SLC47A1: variants seen among roughly 807,000 people sequenced by gnomAD.
The protein encoded by SLC47A1 is multidrug and toxin extrusion protein 1.
Under a neutral mutation model 65.8 loss-of-function variants are expected in SLC47A1, and 58 were observed. The ratio of observed to expected loss-of-function variants is 0.88; its 90% CI spans 0.71 to 1.10. SLC47A1 has a LOEUF of 1.10. SLC47A1 is among the 50% of genes least tolerant of loss of function. The pLI, the probability that SLC47A1 is intolerant of heterozygous loss-of-function variation, is 0.00. For synonymous variants in SLC47A1, 285 were observed against 295.0 expected, an observed-to-expected ratio of 0.97 and a Z score of 0.35; for missense variants, 706 against 719.2, an observed-to-expected ratio of 0.98 and a Z score of 0.21.
intron 1 of SLC47A1, among the ~76,000 whole-genome samples, chr17:19,540,174 A>G (rs912447935): frequency 1.3e-5 from 2 of 152,154 alleles, no homozygotes; most frequent in African/African-American, 4.8e-5. Flanking sequence ...CCCAAGTGAG[A>G]AAGATGTTCA....
At position 19,546,565 on chromosome 17, in the gene SLC47A1, A is replaced by G. The variant is rs951027878; in HGVS notation, c.306+62A>G. On this transcript the variant is annotated intron_variant, in intron 3 of 16. Coordinates refer to ENST00000270570, the MANE Select transcript of SLC47A1 (RefSeq NM_018242.3). ...AACATCTTTTCTCAAGTGTAGATGG[A>G]AGAGCTCCACTGGCAGGAAGAGTTC... 1.7e-4 allele frequency: 257 copies of G among 1,512,488 alleles called. 1 individual carries two copies. Among genetic ancestry groups the G allele is most frequent in the Non-Finnish European group, 1.6e-4 (175 of 1,098,250 alleles). 93.7% of individuals were successfully genotyped at this position (1,512,488 alleles called of 1,614,324 possible). A position where few individuals can be genotyped will look rare whatever the true frequency, so the allele number is the denominator to read the frequency against.
chr17:19,574,428 A>G (rs1176032927), intron 16 of SLC47A1, among the ~76,000 whole-genome samples: 1 of 152,164 alleles, frequency 6.6e-6, no homozygotes, highest in African/African-American at 2.4e-5. Context: ...AAGCAGCCTC[A>G]GAGGCTGGGC....
intron 1 of SLC47A1, among the ~76,000 whole-genome samples, chr17:19,541,600 C>T (rs1916150559): frequency 6.6e-6 from 1 of 152,192 alleles, no homozygotes; most frequent in Non-Finnish European, 1.5e-5. Context: ...TGTAATGTTT[C>T]ACCCTGAGAG....
intron 2 of SLC47A1, 101 bp from the exon 3 acceptor site, chr17:19,546,334 C>G (rs541861547): frequency 8.4e-7 from 1 of 1,184,012 alleles, no homozygotes; most frequent in African/African-American, 1.5e-5. Context: ...CTTGTGAATG[C>G]TGAAGGAGGA....
rs550026018 is a variant in SLC47A1 at position 19,556,201 on chromosome 17, C to G, written c.921+139C>G. The G allele has an allele frequency of 1.3e-4, 131 of 986,622 alleles. No individual in the cohort carries two copies. In the African/African-American group the frequency reaches 1.9e-3, roughly 14 times the overall value. The allele number at this position is 986,622 out of a possible 1,614,324, so 61.1% of individuals were successfully genotyped here. A position where few individuals can be genotyped will look rare whatever the true frequency, so the allele number is the denominator to read the frequency against. On this transcript the variant is annotated intron_variant, in intron 10 of 16. Transcript: ENST00000270570. Reference sequence around the variant, plus strand: ...ACAAAAGTCAAATCCCATCCTTGAGCCTGGGAGGGTACCTCTGCTACAGCT... The same window carrying G: ...ACAAAAGTCAAATCCCATCCTTGAGGCTGGGAGGGTACCTCTGCTACAGCT...
chr17:19,555,601 C>T lies in SLC47A1; in HGVS notation c.650C>T (p.Ala217Val). The T allele has an allele frequency of 6.2e-7, 1 of 1,614,150 alleles. No individual in the cohort carries two copies. Residue 217 changes from alanine (A) to valine (V), a missense_variant, in exon 8 of 17, where the codon GCA becomes GTA. By Grantham distance (64) the Ala-to-Val change is moderately conservative (BLOSUM62 0). Transcript: ENST00000270570. ...HQLHLGVIGS[A>V]LANLISQYTL... ...GGGACTGTTCTTTCCAGAGGCTCTG[C>T]ACTGGCAAACTTGATTTCCCAGTAC...
intron 10 of SLC47A1, among the ~76,000 whole-genome samples, chr17:19,558,082 T>C (rs1381454941): frequency 6.6e-6 from 1 of 152,250 alleles, no homozygotes; most frequent in Non-Finnish European, 1.5e-5. Context: ...GTCTGGTCTA[T>C]CTACACAGTC....
Position 19,577,451 on chromosome 17 carries a change from G to T in SLC47A1, c.1611G>T (p.Leu537Phe). 1.2e-6 allele frequency: 2 copies of T among 1,614,200 alleles called. No individual in the cohort carries two copies. Among genetic ancestry groups the T allele is most frequent in the Non-Finnish European group, 1.7e-6 (2 of 1,180,044 alleles). The change falls in exon 17 of 17, where the codon TTG becomes TTT. Residue 537 changes from leucine to phenylalanine, a missense_variant. Transcript: ENST00000270570. ...LPEHPQDGAK[L>F]SRKQLVLRRG... ...AACATCCACAGGACGGCGCTAAATT[G>T]TCCAGGAAACAGCTGGTGCTGCGGC... is the stretch of plus-strand genomic sequence containing the variant.
intron 6 of SLC47A1, among the ~76,000 whole-genome samples, chr17:19,553,915 T>C (rs1385729360): frequency 6.6e-6 from 1 of 152,238 alleles, no homozygotes; most frequent in Non-Finnish European, 1.5e-5. Flanking sequence ...CACTGCCATC[T>C]GCCTGAAAAG....
chr17:19,577,699 T>C lies in SLC47A1; in HGVS notation c.*146T>C. 1 of 1,448,192 alleles carries C rather than the reference T, an allele frequency of 6.9e-7. No individual in the cohort carries two copies. Among genetic ancestry groups the C allele is most frequent in the Non-Finnish European group, 9.0e-7 (1 of 1,108,088 alleles). The allele number at this position is 1,448,192 out of a possible 1,614,324, so 89.7% of individuals were successfully genotyped here. On this transcript the variant is annotated 3_prime_UTR_variant, in exon 17 of 17. Coordinates refer to ENST00000270570, the MANE Select transcript of SLC47A1 (RefSeq NM_018242.3). ...CTGGAAATGCAAAGACACATTTTTCTATAAAAAGAAAAAGCAACTAAGGTT... is the reference window on the plus strand; with the variant it reads ...CTGGAAATGCAAAGACACATTTTTCCATAAAAAGAAAAAGCAACTAAGGTT...
chr17:19,551,675 T>C (rs537296959), intron 6 of SLC47A1, among the ~76,000 whole-genome samples: 41 of 152,284 alleles, frequency 2.7e-4, no homozygotes, highest in South Asian at 2.1e-4. Context: ...AAAGAACATA[T>C]TATATTTGGC....
chr17:19,540,667 C>G (rs1255970986), intron 1 of SLC47A1, among the ~76,000 whole-genome samples: 1 of 152,164 alleles, frequency 6.6e-6, no homozygotes, highest in African/African-American at 2.4e-5. Flanking sequence ...ACCTCCACCC[C>G]ACCCCCTTTT....
intron 2 of SLC47A1, among the ~76,000 whole-genome samples, chr17:19,545,905 G>A (rs1345527908): frequency 1.3e-5 from 2 of 152,082 alleles, no homozygotes; most frequent in Non-Finnish European, 2.9e-5. Flanking sequence ...ATAAGGAAGT[G>A]GGTCAAAGTG....
chr17:19,555,903 C>T lies in SLC47A1; in HGVS notation c.847C>T (p.Leu283Phe). ...EWWAYEVGSF[L>F]SGILGMVELG... ...GTGGGCCTATGAGGTCGGGAGCTTCCTCAGTGGTCTGTATGAGGATGGATG... is the reference window on the plus strand; with the variant it reads ...GTGGGCCTATGAGGTCGGGAGCTTCTTCAGTGGTCTGTATGAGGATGGATG... The change falls in exon 9 of 17, where the codon CTC becomes TTC. Residue 283 changes from leucine (L) to phenylalanine (F), a missense_variant. Physicochemically the swap from Leu to Phe is conservative, Grantham distance 22. Transcript: ENST00000270570. The T allele has an allele frequency of 6.2e-7, 1 of 1,614,088 alleles. No homozygotes were observed. The highest frequency in any genetic ancestry group is 1.1e-5 in the South Asian group (1 of 91,080).
chr17:19,567,268 C>T, intron 14 of SLC47A1, 40 bp downstream of exon 14: 2 of 1,612,876 alleles, frequency 1.2e-6, no homozygotes, highest in Non-Finnish European at 1.7e-6. Flanking sequence ...AGCTGCTCAC[C>T]AGCCCAGGAA....
intron 16 of SLC47A1, among the ~76,000 whole-genome samples, chr17:19,576,321 T>A (rs2084439105): frequency 1.3e-5 from 2 of 148,830 alleles, no homozygotes; most frequent in Non-Finnish European, 3.0e-5. Flanking sequence ...TCTCCCATTC[T>A]GTGAATAGCC....
chr17:19,559,760 T>C (rs1000962092), intron 10 of SLC47A1, among the ~76,000 whole-genome samples: 1 of 151,988 alleles, frequency 6.6e-6, no homozygotes, highest in African/African-American at 2.4e-5. Flanking sequence ...CTCAAACTCC[T>C]GACCGCAAGT....
At chr17:19,571,456 T>C in intron 14 of SLC47A1, 22 bp from the exon 15 acceptor site, 2 of 1,602,878 alleles carry the variant, frequency 1.2e-6, no homozygotes, top group Non-Finnish European at 1.7e-6. Flanking sequence ...AATTAACCTC[T>C]ATTAAATATT....
intron 4 of SLC47A1, 66 bp from the exon 5 acceptor site, chr17:19,549,569 C>A: frequency 6.6e-7 from 1 of 1,512,512 alleles, no homozygotes; most frequent in Non-Finnish European, 9.1e-7. Context: ...TTTCTTCTGC[C>A]TAACTTTCCC....
Sources: allele counts gnomAD v4.1 joint callset (sites outside exome capture counted in the v4.1 genomes callset), GRCh38; gene constraint gnomAD v4.1.1; transcripts MANE v1.5; gene names NCBI Gene and HGNC (gene_info 2026-07-23, HGNC 2026-07-21).